Variants in CSRNP3 observed in about 807,000 individuals in gnomAD.
CSRNP3 encodes the protein cysteine/serine-rich nuclear protein 3.
CSRNP3 carries 12 observed loss-of-function variants against 48.0 expected under a neutral mutation model. The observed-to-expected ratio is 0.25, with a 90% CI of 0.16 to 0.41. The LOEUF (loss-of-function observed/expected upper bound fraction) is 0.41, where lower values mean the gene tolerates loss of function less well. Ranked by LOEUF, CSRNP3 falls within the 10% of genes least tolerant of loss-of-function variation. The probability of loss-of-function intolerance (pLI) is 1.00; values close to 1 mark genes in which losing one functional copy is unlikely to be tolerated. For missense variants in CSRNP3, 580 were observed against 724.4 expected (o/e 0.80, Z 2.29); for synonymous variants, 263 against 269.7 (o/e 0.98, Z 0.24).
intron 3 of CSRNP3, among the ~76,000 whole-genome samples, chr2:165,579,472 TC>T (rs1467597848): frequency 6.6e-6 from 1 of 152,228 alleles, no homozygotes; most frequent in African/African-American, 2.4e-5. Flanking sequence ...CTACTATTTT[TC>T]CATTCTGACT....
chr2:165,587,515 G>T (rs1298851194), intron 3 of CSRNP3, among the ~76,000 whole-genome samples: 1 of 152,216 alleles, frequency 6.6e-6, no homozygotes, highest in Non-Finnish European at 1.5e-5. Flanking sequence ...AGGTCAAAAA[G>T]TTGCTCAGCC....
rs1418446197 is a variant in CSRNP3, at chr2:165,578,730, AT to A, written c.-23-16311del. Among the ~76,000 whole-genome samples the A allele has an allele frequency of 1.2e-4, 18 of 152,236 alleles. No homozygotes were observed. In the South Asian group the frequency reaches 3.7e-3, roughly 32 times the overall value. ...ACAAAGGAAAAAAAAACAGAAAAAT[AT>A]TGTATATTGTTTTCTTGATAGAAAA... On this transcript the variant is annotated intron_variant, in intron 3 of 6. Transcript: ENST00000651982.
chr2:165,484,426 T>C (rs757755703), intron 1 of CSRNP3, among the ~76,000 whole-genome samples: 3 of 152,138 alleles, frequency 2.0e-5, no homozygotes, highest in Non-Finnish European at 4.4e-5. Flanking sequence ...ACAAAGGACT[T>C]GTGAGCGGAT....
intron 3 of CSRNP3, among the ~76,000 whole-genome samples, chr2:165,588,388 C>T (rs1023032703): frequency 2.0e-5 from 3 of 152,186 alleles, no homozygotes. Context: ...CTGACATGAT[C>T]AGATTTGCAT....
intron 2 of CSRNP3, among the ~76,000 whole-genome samples, chr2:165,513,567 C>A (rs1197214287): frequency 1.3e-5 from 2 of 152,174 alleles, no homozygotes; most frequent in Non-Finnish European, 1.5e-5. Flanking sequence ...TAGCTTATCA[C>A]CGAATCATCT....
At chr2:165,623,237 G>A (rs546187279) in intron 4 of CSRNP3, among the ~76,000 whole-genome samples, 1 of 152,250 alleles carries the variant, frequency 6.6e-6, no homozygotes, top group East Asian at 1.9e-4. Context: ...TCTATGGCCT[G>A]TTAAGAAGTG....
chr2:165,679,606 C>T lies in CSRNP3; in HGVS notation c.1611C>T (p.Gly537=), dbSNP rs1214593459. 6.2e-7 allele frequency: 1 copy of T among 1,613,962 alleles called. No homozygotes were observed. Among genetic ancestry groups the T allele is most frequent in the African/African-American group, 1.3e-5 (1 of 74,912 alleles). ...TGGAATTTCACTCATACTTGAAAGG[C>T]CCCTCCCAAGAAGGGTTTGTCTCTG... ...PQVEFHSYLK[G]PSQEGFVSAL... Residue 537 remains glycine, a synonymous_variant, in exon 7 of 7, where the codon GGC becomes GGT. Transcript: ENST00000651982.
intron 5 of CSRNP3, 112 bp downstream of exon 5, chr2:165,658,132 A>C: frequency 8.3e-7 from 1 of 1,205,852 alleles, no homozygotes; most frequent in Non-Finnish European, 1.1e-6. Flanking sequence ...TACATAACAG[A>C]CTGCTTGCTG....
chr2:165,546,094 A>G (rs1685021369), intron 3 of CSRNP3, among the ~76,000 whole-genome samples: 1 of 152,162 alleles, frequency 6.6e-6, no homozygotes, highest in African/African-American at 2.4e-5. Context: ...CATAACATGA[A>G]GTAGAAGACC....
At chr2:165,585,212 G>GTTTT (rs35019068) in intron 3 of CSRNP3, among the ~76,000 whole-genome samples, 1 of 143,132 alleles carries the variant, frequency 7.0e-6, no homozygotes, top group Non-Finnish European at 1.5e-5. Flanking sequence ...AGCATAATGT[G>GTTTT]TTTTTTTTTT....
intron 3 of CSRNP3, among the ~76,000 whole-genome samples, chr2:165,532,405 A>G (rs1684825740): frequency 6.6e-6 from 1 of 152,152 alleles, no homozygotes; most frequent in Non-Finnish European, 1.5e-5. Context: ...CTGGTTCAAC[A>G]TATGCAAATC....
chr2:165,637,429 A>T (rs1686649164), intron 4 of CSRNP3, among the ~76,000 whole-genome samples: 1 of 152,214 alleles, frequency 6.6e-6, no homozygotes, highest in Non-Finnish European at 1.5e-5. Context: ...AGATGGAGCT[A>T]TTAGTGTATT....
At chr2:165,629,402 T>C (rs542265384) in intron 4 of CSRNP3, among the ~76,000 whole-genome samples, 1 of 152,338 alleles carries the variant, frequency 6.6e-6, no homozygotes, top group African/African-American at 2.4e-5. Flanking sequence ...CCTATAACCA[T>C]GTCACTCGCA....
intron 3 of CSRNP3, among the ~76,000 whole-genome samples, chr2:165,578,251 G>A (rs891047925): frequency 6.6e-6 from 1 of 151,940 alleles, no homozygotes; most frequent in African/African-American, 2.4e-5. Context: ...TGCTAGATGG[G>A]AAGAATTTTT....
chr2:165,610,538 G>T (rs1686118905), intron 4 of CSRNP3, among the ~76,000 whole-genome samples: 1 of 152,064 alleles, frequency 6.6e-6, no homozygotes, highest in East Asian at 1.9e-4. Flanking sequence ...TGGCCTCTTG[G>T]TTTTTTCTGA....
chr2:165,678,604 G>A, intron 6 of CSRNP3, 97 bp from the exon 7 acceptor site: 1 of 1,395,934 alleles, frequency 7.2e-7, no homozygotes, highest in East Asian at 2.3e-5. Context: ...GAATTAAGTG[G>A]ATGGATTACT....
At chr2:165,587,318 A>C (rs1189300937) in intron 3 of CSRNP3, among the ~76,000 whole-genome samples, 1 of 152,236 alleles carries the variant, frequency 6.6e-6, no homozygotes, top group South Asian at 2.1e-4. Flanking sequence ...ACGTGAATTC[A>C]TGGATTATAC....
At chr2:165,522,253 C>A (rs1159435352) in intron 3 of CSRNP3, among the ~76,000 whole-genome samples, 1 of 152,092 alleles carries the variant, frequency 6.6e-6, no homozygotes, top group Non-Finnish European at 1.5e-5. Context: ...GATCATGCCA[C>A]TGCACTCCAG....
intron 4 of CSRNP3, among the ~76,000 whole-genome samples, chr2:165,626,735 T>A (rs1686442702): frequency 6.6e-6 from 1 of 152,236 alleles, no homozygotes; most frequent in Admixed American, 6.5e-5. Flanking sequence ...TTCACCCCAG[T>A]GTGGACCACC....
Sources: gnomAD v4.1 joint callset for allele counts (sites outside exome capture counted in the v4.1 genomes callset) on GRCh38, gnomAD v4.1.1 for gene constraint, MANE v1.5 for transcripts, NCBI Gene and HGNC (gene_info 2026-07-23, HGNC 2026-07-21) for gene names.